The following PRKG1 variants were observed in gnomAD, a reference collection of about 807,000 sequenced individuals.
The protein encoded by PRKG1 is protein kinase cGMP-dependent 1.
Under a neutral mutation model 88.1 loss-of-function variants are expected in PRKG1, and 35 were observed. The ratio of observed to expected loss-of-function variants is 0.40; its 90% CI spans 0.30 to 0.53. The LOEUF (loss-of-function observed/expected upper bound fraction) is 0.53. Ranked by LOEUF, PRKG1 falls within the 20% of genes least tolerant of loss-of-function variation. PRKG1 has a pLI of 0.59. For synonymous variants in PRKG1, 303 were observed against 292.5 expected, an observed-to-expected ratio of 1.04 and a Z score of -0.37; for missense variants, 540 against 839.8, an observed-to-expected ratio of 0.64 and a Z score of 4.41.
chr10:51,153,010 C>T, intron 1 of PRKG1, among the ~76,000 whole-genome samples, 154 bp from the exon 2 acceptor site: 1 of 126,450 alleles, frequency 7.9e-6, no homozygotes, highest in Admixed American at 8.7e-5. Flanking sequence ...CTGCCATGGA[C>T]ATACTTTGTT....
intron 3 of PRKG1, among the ~76,000 whole-genome samples, chr10:51,553,588 G>A (rs1837195768): frequency 6.6e-6 from 1 of 151,484 alleles, no homozygotes; most frequent in South Asian, 2.1e-4. Flanking sequence ...GGCAGCCAAA[G>A]TGATCTTTGT....
intron 3 of PRKG1, among the ~76,000 whole-genome samples, chr10:51,795,594 T>G (rs934205871): frequency 1.3e-5 from 2 of 152,108 alleles, no homozygotes; most frequent in African/African-American, 4.8e-5. Context: ...GAAGCAGTTA[T>G]GCGCTTGATG....
intron 5 of PRKG1, among the ~76,000 whole-genome samples, chr10:52,022,278 T>C (rs1272353315): frequency 6.6e-6 from 1 of 152,172 alleles, no homozygotes; most frequent in Non-Finnish European, 1.5e-5. Flanking sequence ...ACTTACTCAA[T>C]TTTCAACTTT....
intron 2 of PRKG1, among the ~76,000 whole-genome samples, chr10:51,374,091 A>ATATATATATATATATATAT (rs1554801042): frequency 1.5e-5 from 1 of 64,832 alleles, no homozygotes; most frequent in Non-Finnish European, 3.7e-5. Context: ...GCAAAAAAAA[A>ATATATATATATATATATAT]AAATATATAT....
intron 3 of PRKG1, among the ~76,000 whole-genome samples, chr10:51,503,573 CT>C (rs1344534429): frequency 6.6e-6 from 1 of 152,184 alleles, no homozygotes; most frequent in Non-Finnish European, 1.5e-5. Flanking sequence ...GGTCTGTATC[CT>C]TAGCCAGCCT....
At chr10:52,132,733 T>C (rs182174330) in intron 7 of PRKG1, among the ~76,000 whole-genome samples, 74 of 152,238 alleles carry the variant, frequency 4.9e-4, no homozygotes, top group Admixed American at 1.0e-3. Context: ...TTTATTGTTT[T>C]TGGAAAAAGT....
intron 14 of PRKG1, among the ~76,000 whole-genome samples, chr10:52,285,372 T>C (rs990572918): frequency 2.6e-5 from 4 of 152,094 alleles, no homozygotes; most frequent in African/African-American, 4.8e-5. Context: ...AGCTACTCAG[T>C]AAATAATTAC....
intron 2 of PRKG1, among the ~76,000 whole-genome samples, chr10:51,375,025 C>A (rs144135355): frequency 1.6e-3 from 241 of 152,140 alleles, no homozygotes; most frequent in Middle Eastern, 0.01. Flanking sequence ...ACAGCAGTTA[C>A]AATATTAGGT....
chr10:51,959,823 T>C lies in PRKG1; in HGVS notation c.762+52253T>C, dbSNP rs1002404671. On this transcript the variant is annotated intron_variant, in intron 5 of 17. Coordinates refer to ENST00000373980, the MANE Select transcript of PRKG1 (RefSeq NM_006258.4). ...ATGCTGTTACTTAGGATGGAAAAAG[T>C]TGGAAGATAATTGAATCTTGTGTTC... Among the ~76,000 whole-genome samples, 4 of 152,084 alleles carry C rather than the reference T, an allele frequency of 2.6e-5. No homozygotes were observed. The East Asian group carries it at 5.8e-4, about 22-fold the overall frequency.
chr10:51,850,209 T>C (rs1840511638), intron 4 of PRKG1, among the ~76,000 whole-genome samples: 1 of 152,222 alleles, frequency 6.6e-6, no homozygotes, highest in Non-Finnish European at 1.5e-5. Flanking sequence ...GAAGTTTTGC[T>C]CTTGTCACCC....
chr10:51,738,174 A>T (rs1837340580), intron 3 of PRKG1, among the ~76,000 whole-genome samples: 1 of 152,164 alleles, frequency 6.6e-6, no homozygotes, highest in Non-Finnish European at 1.5e-5. Context: ...CTTGCTGGTG[A>T]TCTTCTCAAG....
chr10:51,698,890 C>T lies in PRKG1; in HGVS notation c.593-105695C>T, dbSNP rs368413928. Reference sequence around the variant, plus strand: ...GCAGAACATTAGGTCCTGGGCAGAGCCCAGGGCCAGGGCCAGGGCCAGGGC... The same window carrying T: ...GCAGAACATTAGGTCCTGGGCAGAGTCCAGGGCCAGGGCCAGGGCCAGGGC... On this transcript the variant is annotated intron_variant, in intron 3 of 17. Coordinates refer to ENST00000373980, the MANE Select transcript of PRKG1 (RefSeq NM_006258.4). 2.0e-4 allele frequency: 321 copies of T among 1,613,936 alleles called. 1 individual carries two copies. The highest frequency in any genetic ancestry group is 7.6e-4 in the South Asian group (69 of 91,076).
chr10:51,281,529 C>T (rs1363993530), intron 2 of PRKG1, among the ~76,000 whole-genome samples: 5 of 152,156 alleles, frequency 3.3e-5, no homozygotes, highest in Middle Eastern at 3.2e-3. Context: ...ATTGCTCAGG[C>T]TTGAGTAGGT....
chr10:51,698,741 G>C, intron 3 of PRKG1: 4 of 1,614,230 alleles, frequency 2.5e-6, no homozygotes, highest in African/African-American at 1.3e-5. Context: ...GGGAACTGCA[G>C]CTGGTATTGG....
intron 3 of PRKG1, among the ~76,000 whole-genome samples, chr10:51,612,707 A>T (rs531466599): frequency 6.6e-6 from 1 of 151,874 alleles, no homozygotes; most frequent in Non-Finnish European, 1.5e-5. Context: ...GTTTCAGTTT[A>T]AAAGGAGAGT....
chr10:51,480,305 A>G (rs1266509091), intron 3 of PRKG1, among the ~76,000 whole-genome samples: 1 of 152,158 alleles, frequency 6.6e-6, no homozygotes, highest in Non-Finnish European at 1.5e-5. Flanking sequence ...TTCTGATATA[A>G]TCTCTTTGCC....
chr10:51,759,618 G>T (rs1035348994), intron 3 of PRKG1, among the ~76,000 whole-genome samples: 5 of 152,104 alleles, frequency 3.3e-5, no homozygotes, highest in Non-Finnish European at 5.9e-5. Flanking sequence ...TTAGGACAAG[G>T]TAAGTTTCTA....
chr10:51,184,913 C>T (rs1009118807), intron 2 of PRKG1, among the ~76,000 whole-genome samples: 1 of 152,090 alleles, frequency 6.6e-6, no homozygotes, highest in Non-Finnish European at 1.5e-5. Context: ...TGGGAGAAAC[C>T]TAGTGACAGC....
chr10:50,994,996 A>G (rs1842823391), intron 1 of PRKG1, among the ~76,000 whole-genome samples: 1 of 152,316 alleles, frequency 6.6e-6, no homozygotes, highest in Non-Finnish European at 1.5e-5. Context: ...ACACCATTTT[A>G]TATAAAGGAC....
Sources: allele counts gnomAD v4.1 joint callset (sites outside exome capture counted in the v4.1 genomes callset), GRCh38; gene constraint gnomAD v4.1.1; transcripts MANE v1.5; gene names NCBI Gene and HGNC (gene_info 2026-07-23, HGNC 2026-07-21).